The following SIPA1L3 variants were observed in gnomAD, a reference collection of about 807,000 sequenced individuals.
The protein encoded by SIPA1L3 is signal-induced proliferation-associated 1-like protein 3.
Under a neutral mutation model 150.1 loss-of-function variants are expected in SIPA1L3, and 59 were observed. That is an observed-to-expected ratio of 0.39 (90% CI 0.32 to 0.49). The LOEUF (loss-of-function observed/expected upper bound fraction) is 0.49, where lower values mean the gene tolerates loss of function less well. Among genes scored for constraint, SIPA1L3 ranks in the 20% least tolerant of loss-of-function variants. SIPA1L3 has a pLI of 0.86. For missense variants in SIPA1L3, 2,211 were observed against 2,489.5 expected (o/e 0.89, Z 2.38); for synonymous variants, 1,070 against 1,077.6 (o/e 0.99, Z 0.14).
intron 21 of SIPA1L3, among the ~76,000 whole-genome samples, chr19:38,205,737 T>C (rs765115546): frequency 1.3e-5 from 2 of 152,142 alleles, no homozygotes; most frequent in African/African-American, 2.4e-5. Context: ...TGGGGTCCTC[T>C]TCCAGGAAAC....
chr19:38,058,806 C>T (rs1022116847), intron 2 of SIPA1L3, among the ~76,000 whole-genome samples: 1 of 152,084 alleles, frequency 6.6e-6, no homozygotes, highest in Non-Finnish European at 1.5e-5. Flanking sequence ...AGGTGGATCA[C>T]TTGAGGTCAG....
At chr19:37,941,974 T>TG (rs1435798158) in intron 1 of SIPA1L3, among the ~76,000 whole-genome samples, 1 of 152,208 alleles carries the variant, frequency 6.6e-6, no homozygotes, top group Non-Finnish European at 1.5e-5. Flanking sequence ...TTAGATGCTT[T>TG]GGGATCAGTT....
chr19:37,956,242 T>C (rs1405655216), intron 1 of SIPA1L3, among the ~76,000 whole-genome samples: 2 of 152,212 alleles, frequency 1.3e-5, no homozygotes, highest in African/African-American at 4.8e-5. Context: ...TAGTTGTGAT[T>C]TGCATGTCTC....
At chr19:38,171,686 C>T (rs2145999724) in intron 15 of SIPA1L3, among the ~76,000 whole-genome samples, 1 of 152,202 alleles carries the variant, frequency 6.6e-6, no homozygotes, top group East Asian at 1.9e-4. Flanking sequence ...AGCCACCATG[C>T]CTGGCCAAAA....
intron 4 of SIPA1L3, among the ~76,000 whole-genome samples, chr19:38,092,555 C>T (rs936071527): frequency 1.3e-5 from 2 of 152,192 alleles, no homozygotes; most frequent in Non-Finnish European, 2.9e-5. Context: ...CAAAACTAGC[C>T]GTGGGGGACT....
intron 1 of SIPA1L3, among the ~76,000 whole-genome samples, chr19:37,973,671 C>G (rs191967859): frequency 6.6e-6 from 1 of 152,014 alleles, no homozygotes; most frequent in African/African-American, 2.4e-5. Context: ...TCCCCCATCC[C>G]ACACTCACAC....
chr19:38,159,908 C>A (rs371947748), intron 13 of SIPA1L3, among the ~76,000 whole-genome samples: 5 of 152,174 alleles, frequency 3.3e-5, no homozygotes, highest in African/African-American at 1.2e-4. Flanking sequence ...GTTAAATCAC[C>A]GGCGTTCAGC....
At chr19:38,170,328 G>A (rs535198495) in intron 15 of SIPA1L3, among the ~76,000 whole-genome samples, 1 of 152,204 alleles carries the variant, frequency 6.6e-6, no homozygotes, top group African/African-American at 2.4e-5. Flanking sequence ...CCAGACCTTG[G>A]TTCAAGTGGC....
At chr19:37,955,088 CAAAAAAA>C (rs34802797) in intron 1 of SIPA1L3, among the ~76,000 whole-genome samples, 1 of 45,416 alleles carries the variant, frequency 2.2e-5, no homozygotes, top group Non-Finnish European at 4.2e-5. Flanking sequence ...TGCTGTCTCT[CAAAAAAA>C]AAAAAAAAAA....
chr19:38,021,314 G>A (rs1327956302), intron 1 of SIPA1L3, among the ~76,000 whole-genome samples: 4 of 152,156 alleles, frequency 2.6e-5, no homozygotes, highest in African/African-American at 9.7e-5. Flanking sequence ...AGAGAGGCTG[G>A]CAGGTTCAGT....
chr19:38,063,606 A>G (rs1440696891), intron 2 of SIPA1L3, among the ~76,000 whole-genome samples: 1 of 152,226 alleles, frequency 6.6e-6, no homozygotes, highest in Non-Finnish European at 1.5e-5. Flanking sequence ...CGTGCTGGCA[A>G]GACACTGTCT....
chr19:38,019,816 G>C (rs576837662), intron 1 of SIPA1L3, among the ~76,000 whole-genome samples: 123 of 152,248 alleles, frequency 8.1e-4, no homozygotes, highest in African/African-American at 2.9e-3. Flanking sequence ...GGCCAGGTGT[G>C]GTGGCTCACA....
chr19:37,942,144 A>G (rs1041570177), intron 1 of SIPA1L3, among the ~76,000 whole-genome samples: 2 of 152,142 alleles, frequency 1.3e-5, no homozygotes, highest in African/African-American at 4.8e-5. Context: ...AACATCACAT[A>G]TGCTTCCAGT....
At chr19:37,956,633 G>A (rs1266976952) in intron 1 of SIPA1L3, among the ~76,000 whole-genome samples, 2 of 151,836 alleles carry the variant, frequency 1.3e-5, no homozygotes, top group South Asian at 2.1e-4. Context: ...ACATGCACAC[G>A]CCACCATGCC....
chr19:38,069,636 G>A (rs1212104175), intron 2 of SIPA1L3, among the ~76,000 whole-genome samples: 5 of 152,092 alleles, frequency 3.3e-5, no homozygotes, highest in Admixed American at 2.0e-4. Context: ...TCTGGGAGTG[G>A]GGTGTGGACA....
intron 18 of SIPA1L3, among the ~76,000 whole-genome samples, chr19:38,196,486 TGTCAAGGCGGAGCAAGGAG>T (rs550301874): frequency 0.035 from 997 of 28,726 alleles, 43 homozygotes; most frequent in South Asian, 0.3. Context: ...AGAGTGTGGA[TGTCAAGGCGGAGCAAGGAG>T]GTCAAGGGAG....
chr19:38,138,897 CAAA>C (rs3045988), intron 10 of SIPA1L3, among the ~76,000 whole-genome samples: 4 of 44,122 alleles, frequency 9.1e-5, no homozygotes, highest in African/African-American at 2.2e-4. Flanking sequence ...GACTCTATCT[CAAA>C]AAAAAAAAAA....
intron 1 of SIPA1L3, among the ~76,000 whole-genome samples, chr19:37,967,982 G>T (rs1025506584): frequency 2.0e-5 from 3 of 152,036 alleles, no homozygotes; most frequent in Non-Finnish European, 4.4e-5. Context: ...ATTCATACAA[G>T]TAAAGCCTTT....
chr19:38,155,260 G>A (rs1013006386), intron 13 of SIPA1L3, among the ~76,000 whole-genome samples: 2 of 151,994 alleles, frequency 1.3e-5, no homozygotes, highest in East Asian at 3.9e-4. Flanking sequence ...ATTTTTTACA[G>A]AGACAACGTC....
Sources: gnomAD v4.1 joint callset for allele counts (sites outside exome capture counted in the v4.1 genomes callset) on GRCh38, gnomAD v4.1.1 for gene constraint, MANE v1.5 for transcripts, NCBI Gene and HGNC (gene_info 2026-07-23, HGNC 2026-07-21) for gene names.